Variants in PKIB observed in about 807,000 individuals in gnomAD.
PKIB encodes PKI-beta.
In PKIB, 2 loss-of-function variants were observed where a neutral mutation model predicts 4.5. The ratio of observed to expected loss-of-function variants is 0.44; its 90% confidence interval spans 0.18 to 1.39. The LOEUF (loss-of-function observed/expected upper bound fraction) is 1.39. Among genes scored for constraint, PKIB ranks in the 40% most tolerant of loss-of-function variants. The pLI, the probability that PKIB is intolerant of heterozygous loss-of-function variation, is 0.27. For synonymous variants in PKIB, 38 were observed against 36.0 expected (o/e 1.06, Z -0.20); for missense variants, 94 against 92.6 (o/e 1.02, Z -0.06).
intron 3 of PKIB, among the ~76,000 whole-genome samples, chr6:122,680,127 A>T (rs572413946): frequency 6.6e-6 from 1 of 152,232 alleles, no homozygotes; most frequent in Non-Finnish European, 1.5e-5. Flanking sequence ...TGAAAAATCA[A>T]TTCACAAAGG....
At chr6:122,648,616 A>G (rs556470493) in intron 2 of PKIB, among the ~76,000 whole-genome samples, 49 of 152,208 alleles carry the variant, frequency 3.2e-4, no homozygotes, top group Non-Finnish European at 6.6e-4. Context: ...TGTGTGGATT[A>G]CTGTAAGCAT....
At chr6:122,560,025 C>T (rs1026402886) in intron 2 of PKIB, among the ~76,000 whole-genome samples, 1 of 152,098 alleles carries the variant, frequency 6.6e-6, no homozygotes, top group Non-Finnish European at 1.5e-5. Context: ...GAATCAGATG[C>T]CCTTTATTTC....
rs117630691 is a variant in PKIB at position 122,544,615 on chromosome 6, G to T, written c.-247-41306G>T. On this transcript the variant is annotated intron_variant, in intron 2 of 6. Transcript: ENST00000392491. ...ATGTAGTGTGCATGCTAGAACTTGG[G>T]TGGAGATTTCCCATATAAAAAATTA... 7.3e-3 allele frequency among the ~76,000 whole-genome samples: 1,106 copies of T among 152,132 alleles called. 8 individuals carry two copies. Among genetic ancestry groups the T allele is most frequent in the Non-Finnish European group, 0.013 (865 of 68,030 alleles).
intron 2 of PKIB, among the ~76,000 whole-genome samples, chr6:122,638,656 T>C (rs1220504971): frequency 6.6e-6 from 1 of 152,210 alleles, no homozygotes; most frequent in Non-Finnish European, 1.5e-5. Context: ...ATTTTCTCAG[T>C]ATTGCGTTTA....
At chr6:122,573,491 C>T (rs2114695619) in intron 2 of PKIB, among the ~76,000 whole-genome samples, 1 of 143,410 alleles carries the variant, frequency 7.0e-6, no homozygotes, top group South Asian at 2.2e-4. Flanking sequence ...CACTGTCCTC[C>T]AGCCGAGGCA....
intron 4 of PKIB, among the ~76,000 whole-genome samples, chr6:122,719,490 T>C (rs1278931704): frequency 6.6e-6 from 1 of 152,080 alleles, no homozygotes; most frequent in African/African-American, 2.4e-5. Context: ...TACCACATGA[T>C]CTTATTCATG....
intron 2 of PKIB, among the ~76,000 whole-genome samples, chr6:122,524,911 AT>A (rs1210535226): frequency 1.3e-5 from 2 of 149,054 alleles, no homozygotes; most frequent in East Asian, 2.0e-4. Flanking sequence ...TTTGTAAAAC[AT>A]TTTTTCGTTT....
In PKIB at chr6:122,538,372, G is replaced by C. The variant is rs957572155; in HGVS notation, c.-247-47549G>C. Among the ~76,000 whole-genome samples the C allele has an allele frequency of 7.9e-5, 12 of 152,094 alleles. No homozygotes were observed. In the East Asian group the frequency reaches 9.6e-4, roughly 12 times the overall value. ...ATTTTTGTATAAGGTGTAAGGAAGG[G>C]ATCCAGTTTCAGCTTTCTACATATG... On this transcript the variant is annotated intron_variant, in intron 2 of 6. Transcript: ENST00000392491.
At chr6:122,654,616 G>A (rs919389810) in intron 2 of PKIB, among the ~76,000 whole-genome samples, 4 of 152,128 alleles carry the variant, frequency 2.6e-5, no homozygotes, top group Admixed American at 6.5e-5. Context: ...ATTATTATGC[G>A]ATTGCAGATT....
At chr6:122,506,271 T>A (rs1234523161) in intron 2 of PKIB, among the ~76,000 whole-genome samples, 1 of 152,178 alleles carries the variant, frequency 6.6e-6, no homozygotes, top group Non-Finnish European at 1.5e-5. Flanking sequence ...ATATTAATAT[T>A]TTCAAACATT....
intron 1 of PKIB, among the ~76,000 whole-genome samples, chr6:122,613,313 A>G (rs1166422452): frequency 6.6e-6 from 1 of 152,216 alleles, no homozygotes; most frequent in Non-Finnish European, 1.5e-5. Context: ...AATAAACTAT[A>G]CGTCTTGTGA....
chr6:122,608,569 A>G (rs997641719), upstream of PKIB, among the ~76,000 whole-genome samples: 1 of 152,258 alleles, frequency 6.6e-6, no homozygotes, highest in African/African-American at 2.4e-5. Flanking sequence ...AAAGCATTCT[A>G]TAAATAGTGT....
intron 3 of PKIB, among the ~76,000 whole-genome samples, chr6:122,599,217 T>C (rs907745027): frequency 1.1e-4 from 17 of 152,174 alleles, no homozygotes; most frequent in Admixed American, 1.0e-3. Context: ...GAAAGGCTGA[T>C]GGCAGCATGG....
intron 2 of PKIB, among the ~76,000 whole-genome samples, chr6:122,577,251 AC>A (rs1164475108): frequency 5.9e-5 from 9 of 152,200 alleles, no homozygotes; most frequent in African/African-American, 1.9e-4. Context: ...TGAGATTAAA[AC>A]CTGACCTACA....
chr6:122,548,890 A>G (rs1035673710), intron 2 of PKIB, among the ~76,000 whole-genome samples: 2 of 152,208 alleles, frequency 1.3e-5, no homozygotes, highest in Non-Finnish European at 2.9e-5. Flanking sequence ...TATAAAATAA[A>G]TAGTTATAAT....
At chr6:122,585,616 A>G (rs1438467521) in intron 2 of PKIB, 1 of 152,150 alleles carries the variant, frequency 6.6e-6, no homozygotes, top group Non-Finnish European at 1.5e-5. Flanking sequence ...GTCTAAAGCT[A>G]AAGAAACATT....
intron 2 of PKIB, among the ~76,000 whole-genome samples, chr6:122,523,324 C>T (rs1271322637): frequency 1.3e-5 from 2 of 152,254 alleles, no homozygotes; most frequent in Non-Finnish European, 2.9e-5. Context: ...ATTATCCTTG[C>T]ATTCCAGGAA....
chr6:122,553,188 C>G (rs1000547383), intron 2 of PKIB, among the ~76,000 whole-genome samples: 4 of 152,124 alleles, frequency 2.6e-5, no homozygotes, highest in African/African-American at 9.7e-5. Flanking sequence ...GACCATCTCT[C>G]CATTTATCCC....
At chr6:122,678,821 A>G (rs745789867) in intron 3 of PKIB, among the ~76,000 whole-genome samples, 1 of 152,234 alleles carries the variant, frequency 6.6e-6, no homozygotes, top group South Asian at 2.1e-4. Context: ...GGTCTGTTTT[A>G]GGTGCAAAAC....
Sources: gnomAD v4.1 joint callset for allele counts (sites outside exome capture counted in the v4.1 genomes callset) on GRCh38, gnomAD v4.1.1 for gene constraint, MANE v1.5 for transcripts, NCBI Gene and HGNC (gene_info 2026-07-23, HGNC 2026-07-21) for gene names.